LGMN: variants seen among roughly 807,000 people sequenced by gnomAD.
The protein encoded by LGMN is legumain, also known as asparaginyl endopeptidase.
A neutral mutation model predicts 56.8 loss-of-function variants in LGMN; 36 were observed. The ratio of observed to expected loss-of-function variants is 0.63; its 90% confidence interval spans 0.49 to 0.84. The LOEUF (loss-of-function observed/expected upper bound fraction) is 0.84. LGMN is among the 40% of genes least tolerant of loss of function. LGMN has a pLI of 0.00. For missense variants in LGMN, 446 were observed against 556.1 expected, an observed-to-expected ratio of 0.80 and a Z score of 1.99; for synonymous variants, 199 against 210.1, an observed-to-expected ratio of 0.95 and a Z score of 0.46.
chr14:92,743,801 C>CAAAA (rs397853236), intron 1 of LGMN, among the ~76,000 whole-genome samples: 1 of 94,974 alleles, frequency 1.1e-5, no homozygotes, highest in Non-Finnish European at 2.4e-5. Context: ...GACTCTGTCT[C>CAAAA]AAAAAAAAAA....
At chr14:92,704,468 A>T (rs1595521254) in intron 13 of LGMN, 107 bp from the exon 14 acceptor site, 2 of 1,068,766 alleles carry the variant, frequency 1.9e-6, no homozygotes, top group Admixed American at 1.8e-5. Flanking sequence ...AGGCCCGCCC[A>T]GCAGCTGTCA....
rs1484093282 is a variant in LGMN, at chr14:92,732,714, C to T, written c.73G>A (p.Asp25Asn). 6 of 1,614,082 alleles carry T rather than the reference C, an allele frequency of 3.7e-6. No individual in the cohort carries two copies. In the African/African-American group the frequency reaches 6.7e-5, roughly 18 times the overall value. The change falls in exon 2 of 14, where the codon GAT becomes AAT. Residue 25 changes from aspartate to asparagine, a missense_variant. Coordinates refer to ENST00000334869, the MANE Select transcript of LGMN (RefSeq NM_005606.7). ...IGAVPIDDPE[D>N]GGKHWVVIVA... The stretch of plus-strand genomic sequence containing the variant: ...ATCACCACCCAGTGCTTGCCTCCAT[C>T]TTCAGGATCATCTATAGGAACGGCA...
chr14:92,717,132 C>T (rs1054466577), intron 4 of LGMN, among the ~76,000 whole-genome samples: 2 of 152,190 alleles, frequency 1.3e-5, no homozygotes, highest in African/African-American at 4.8e-5. Flanking sequence ...ACTACATGGT[C>T]AGGCCTAAAG....
intron 2 of LGMN, among the ~76,000 whole-genome samples, chr14:92,730,088 G>A (rs1279974635): frequency 6.6e-6 from 1 of 152,154 alleles, no homozygotes; most frequent in East Asian, 1.9e-4. Flanking sequence ...TAAAAATCAC[G>A]GTGGTTGATG....
chr14:92,744,552 A>C (rs1891726854), intron 1 of LGMN, among the ~76,000 whole-genome samples: 1 of 152,086 alleles, frequency 6.6e-6, no homozygotes, highest in African/African-American at 2.4e-5. Context: ...TACATTTTAC[A>C]GAGTAATGAC....
At chr14:92,738,015 T>C (rs1297948936) in intron 1 of LGMN, among the ~76,000 whole-genome samples, 6 of 152,184 alleles carry the variant, frequency 3.9e-5, no homozygotes, top group African/African-American at 1.4e-4. Context: ...TCAAAGAGCG[T>C]CATTCCTCTG....
rs1889287928 is a variant in LGMN, at chr14:92,704,033, C to G, written c.*286G>C. On this transcript the variant is annotated 3_prime_UTR_variant, in exon 14 of 14. Transcript: ENST00000334869. Reference sequence around the variant, plus strand: ...TACAGAAGCCCCCATGAGCTTCCTGCTCCTCAAAACTAACAGGCAAAACAA... The same window carrying G: ...TACAGAAGCCCCCATGAGCTTCCTGGTCCTCAAAACTAACAGGCAAAACAA... 1.4e-6 allele frequency: 1 copy of G among 693,802 alleles called. No homozygotes were observed. Among genetic ancestry groups the G allele is most frequent in the South Asian group, 1.5e-5 (1 of 65,796 alleles). 43.0% of individuals were successfully genotyped at this position (693,802 alleles called of 1,614,324 possible).
chr14:92,711,789 G>A, intron 9 of LGMN, 41 bp from the exon 10 acceptor site: 1 of 1,610,186 alleles, frequency 6.2e-7, no homozygotes, highest in East Asian at 2.2e-5. Flanking sequence ...GACAATCAGA[G>A]TCTGACGGTT....
chr14:92,734,606 C>T (rs999355135), intron 1 of LGMN, among the ~76,000 whole-genome samples: 1 of 151,522 alleles, frequency 6.6e-6, no homozygotes, highest in Admixed American at 6.6e-5. Context: ...TAGCACTACA[C>T]TCCAGTCTGG....
chr14:92,718,614 C>G (rs1051138015), intron 3 of LGMN, 133 bp downstream of exon 3: 2 of 510,098 alleles, frequency 3.9e-6, no homozygotes, highest in African/African-American at 1.9e-5. Context: ...CATGAGGTAT[C>G]CCTGTGATCT....
intron 11 of LGMN, among the ~76,000 whole-genome samples, chr14:92,708,780 C>T (rs1595526452): frequency 7.0e-6 from 1 of 143,376 alleles, no homozygotes; most frequent in East Asian, 2.1e-4. Context: ...TCTCTTAAAC[C>T]CAGGAGGCGG....
intron 1 of LGMN, among the ~76,000 whole-genome samples, chr14:92,747,893 C>T (rs1891888725): frequency 6.6e-6 from 1 of 152,174 alleles, no homozygotes; most frequent in African/African-American, 2.4e-5. Context: ...GGTATAACCT[C>T]AAATCAAATA....
chr14:92,710,258 A>C (rs564824655), intron 10 of LGMN, among the ~76,000 whole-genome samples: 1 of 152,358 alleles, frequency 6.6e-6, no homozygotes, highest in African/African-American at 2.4e-5. Flanking sequence ...TTCTGCTGCA[A>C]AGGATGCCAG....
chr14:92,732,569 C>G, intron 2 of LGMN, 80 bp downstream of exon 2: 1 of 1,499,050 alleles, frequency 6.7e-7, no homozygotes. Context: ...CAAGTCTTTT[C>G]TATTTAATAT....
intron 2 of LGMN, chr14:92,732,406 C>T: frequency 2.2e-6 from 1 of 451,962 alleles, no homozygotes; most frequent in African/African-American, 2.0e-5. Flanking sequence ...TAAGATGGCC[C>T]TATCAAAACT....
intron 2 of LGMN, among the ~76,000 whole-genome samples, chr14:92,719,278 ACCGCCGCCGCCGCCG>A (rs1225678781): frequency 3.3e-4 from 18 of 55,194 alleles, no homozygotes; most frequent in African/African-American, 7.8e-4. Context: ...CGCCGCCGCC[ACCGCCGCCGCCGCCG>A]CCGCCGCCAC....
chr14:92,719,221 A>ACCGCCGCCACCG (rs1890262050), intron 2 of LGMN, among the ~76,000 whole-genome samples: 3 of 78,818 alleles, frequency 3.8e-5, no homozygotes, highest in African/African-American at 2.2e-4. Flanking sequence ...CGCCACCAAC[A>ACCGCCGCCACCG]CCACCACCGC....
At chr14:92,732,416 T>C in intron 2 of LGMN, 1 of 479,312 alleles carries the variant, frequency 2.1e-6, no homozygotes, top group Non-Finnish European at 3.8e-6. Flanking sequence ...CTATCAAAAC[T>C]TCTGAGGAAT....
Position 92,704,333 on chromosome 14 carries a change from G to C in LGMN, c.1288C>G (p.Leu430Val). ...RIKLSMDHVC[L>V]GHY ...GAGGCAGCTCTTCAGTAGTGACCAA[G>C]GCACACGTGGTCCATGGACAATTTT... is the stretch of plus-strand genomic sequence containing the variant. The change falls in exon 14 of 14, where the codon CTT (leucine) becomes GTT (valine). Residue 430 changes from leucine (L) to valine (V), a missense_variant. Physicochemically the swap from Leu to Val is conservative, Grantham distance 32. Transcript: ENST00000334869. 1 of 1,613,356 alleles carries C rather than the reference G, an allele frequency of 6.2e-7. No homozygotes were observed. The highest frequency in any genetic ancestry group is 8.5e-7 in the Non-Finnish European group (1 of 1,179,414).
Sources: allele counts gnomAD v4.1 joint callset (sites outside exome capture counted in the v4.1 genomes callset), GRCh38; gene constraint gnomAD v4.1.1; transcripts MANE v1.5; gene names NCBI Gene and HGNC (gene_info 2026-07-23, HGNC 2026-07-21).